PDE4B: variants seen among roughly 807,000 people sequenced by gnomAD.
PDE4B encodes the protein 3',5'-cyclic-AMP phosphodiesterase 4B.
A neutral mutation model predicts 82.2 loss-of-function variants in PDE4B; 20 were observed. That is an observed-to-expected ratio of 0.24 (90% CI 0.17 to 0.35). The LOEUF is 0.35. Among genes scored for constraint, PDE4B ranks in the 10% least tolerant of loss-of-function variants. The probability of loss-of-function intolerance (pLI) is 1.00; values close to 1 mark genes in which losing one functional copy is unlikely to be tolerated. For missense variants in PDE4B, 655 were observed against 907.2 expected (o/e 0.72, Z 3.57); for synonymous variants, 320 against 318.9 (o/e 1.00, Z -0.04).
intron 3 of PDE4B, among the ~76,000 whole-genome samples, chr1:66,017,538 C>T (rs923615313): frequency 3.9e-5 from 6 of 152,148 alleles, no homozygotes; most frequent in African/African-American, 1.2e-4. Flanking sequence ...CATATAGGAT[C>T]ACATTTTCTT....
At chr1:66,093,275 T>A (rs1456782820) in intron 3 of PDE4B, among the ~76,000 whole-genome samples, 2 of 152,042 alleles carry the variant, frequency 1.3e-5, no homozygotes, top group African/African-American at 4.8e-5. Flanking sequence ...ATAGCACTTA[T>A]TTAAGATGAT....
chr1:66,125,134 ATTT>A (rs1404014906), intron 3 of PDE4B, among the ~76,000 whole-genome samples: 2 of 146,642 alleles, frequency 1.4e-5, no homozygotes, highest in Non-Finnish European at 3.0e-5. Context: ...TGGACTAGTC[ATTT>A]TGCAATTCAT....
At chr1:65,851,464 T>C (rs1211111698) in intron 1 of PDE4B, among the ~76,000 whole-genome samples, 4 of 152,108 alleles carry the variant, frequency 2.6e-5, no homozygotes, top group African/African-American at 9.6e-5. Flanking sequence ...TTATGATTAA[T>C]GAACATTGTA....
At chr1:66,194,712 AAAT>A in intron 3 of PDE4B, among the ~76,000 whole-genome samples, 1 of 152,256 alleles carries the variant, frequency 6.6e-6, no homozygotes, top group East Asian at 1.9e-4. Flanking sequence ...CAGAATATGA[AAAT>A]AATAAAAAAG....
chr1:66,193,534 A>G (rs1425568812), intron 3 of PDE4B, among the ~76,000 whole-genome samples: 1 of 152,142 alleles, frequency 6.6e-6, no homozygotes, highest in Non-Finnish European at 1.5e-5. Flanking sequence ...ACTTCAGGGA[A>G]ATGTTATCAT....
At chr1:65,857,425 TTTTTTA>T (rs1646405578) in intron 1 of PDE4B, among the ~76,000 whole-genome samples, 2 of 152,220 alleles carry the variant, frequency 1.3e-5, no homozygotes, top group African/African-American at 2.4e-5. Flanking sequence ...TTCTCTTTAC[TTTTTTA>T]TTTTTATTTT....
At chr1:65,936,400 G>C (rs1037431813) in intron 3 of PDE4B, among the ~76,000 whole-genome samples, 1 of 152,000 alleles carries the variant, frequency 6.6e-6, no homozygotes, top group African/African-American at 2.4e-5. Context: ...TATATCACTA[G>C]GCAACAACAA....
At chr1:66,135,707 G>A (rs1318847741) in intron 3 of PDE4B, among the ~76,000 whole-genome samples, 1 of 152,116 alleles carries the variant, frequency 6.6e-6, no homozygotes, top group East Asian at 1.9e-4. Context: ...AGAGATCTGG[G>A]CCAATAATAT....
intron 1 of PDE4B, among the ~76,000 whole-genome samples, chr1:65,851,024 C>T (rs754795186): frequency 2.0e-5 from 3 of 152,082 alleles, no homozygotes; most frequent in African/African-American, 2.4e-5. Flanking sequence ...ATGAGTCCTC[C>T]CCTTACCCCA....
chr1:65,947,110 C>G (rs528143549), intron 3 of PDE4B, among the ~76,000 whole-genome samples: 27 of 152,038 alleles, frequency 1.8e-4, no homozygotes, highest in African/African-American at 6.3e-4. Flanking sequence ...TATAGTGGAC[C>G]AGTGTGATGT....
intron 3 of PDE4B, among the ~76,000 whole-genome samples, chr1:65,981,422 T>A (rs888652661): frequency 2.0e-5 from 3 of 152,174 alleles, no homozygotes; most frequent in African/African-American, 7.2e-5. Flanking sequence ...CTTTGTGTTG[T>A]CCTGAAATAT....
chr1:66,355,503 T>C (rs1435411109), intron 8 of PDE4B, 24 bp from the exon 9 acceptor site: 5 of 1,461,568 alleles, frequency 3.4e-6, no homozygotes, highest in Non-Finnish European at 4.8e-6. Context: ...AAGTGGTTAA[T>C]GCATTTTTGT....
chr1:66,228,905 T>G (rs934335110), intron 3 of PDE4B, among the ~76,000 whole-genome samples: 10 of 129,626 alleles, frequency 7.7e-5, no homozygotes, highest in Non-Finnish European at 1.3e-4. Flanking sequence ...AAGTCTGTCT[T>G]CTATAGTCTG....
At chr1:66,064,270 T>C (rs1460770862) in intron 3 of PDE4B, among the ~76,000 whole-genome samples, 2 of 151,794 alleles carry the variant, frequency 1.3e-5, no homozygotes, top group Non-Finnish European at 2.9e-5. Context: ...GTTGATGCAA[T>C]GCCAAGAAGC....
chr1:66,341,767 C>T (rs777294613), intron 8 of PDE4B, among the ~76,000 whole-genome samples: 4 of 152,132 alleles, frequency 2.6e-5, no homozygotes, highest in Non-Finnish European at 5.9e-5. Flanking sequence ...TTCTCTCTGC[C>T]ACTTTGCAGA....
Position 66,348,694 on chromosome 1 carries a change from C to A in PDE4B, c.748-6833C>A, listed in dbSNP as rs1661594169. ...AAAAAAAAAAAAGATAAAGAAAATT[C>A]TTCTTTATCTGAAATTCAAATTTAA... On this transcript the variant is annotated intron_variant, in intron 8 of 16. Transcript: ENST00000341517. Among the ~76,000 whole-genome samples, 4 of 150,634 alleles carry A rather than the reference C, an allele frequency of 2.7e-5. No homozygotes were observed. The South Asian group carries it at 8.4e-4, about 31-fold the overall frequency.
At chr1:66,259,025 G>T (rs891912125) in intron 6 of PDE4B, among the ~76,000 whole-genome samples, 1 of 152,168 alleles carries the variant, frequency 6.6e-6, no homozygotes, top group African/African-American at 2.4e-5. Flanking sequence ...AAATGCTGGT[G>T]CTTGGCACTC....
At chr1:65,968,441 T>C (rs1649964551) in intron 3 of PDE4B, among the ~76,000 whole-genome samples, 1 of 152,098 alleles carries the variant, frequency 6.6e-6, no homozygotes. Context: ...TCCCTGGCCT[T>C]GGGGTCCCTT....
chr1:65,901,767 A>G (rs1478737695), intron 1 of PDE4B, among the ~76,000 whole-genome samples: 3 of 151,838 alleles, frequency 2.0e-5, no homozygotes. Context: ...GTTTCTTTGG[A>G]TGGATTTATG....
Sources: gnomAD v4.1 joint callset for allele counts (sites outside exome capture counted in the v4.1 genomes callset) on GRCh38, gnomAD v4.1.1 for gene constraint, MANE v1.5 for transcripts, NCBI Gene and HGNC (gene_info 2026-07-23, HGNC 2026-07-21) for gene names.